SHROOM3: variants seen among roughly 807,000 people sequenced by gnomAD.
SHROOM3 encodes the protein protein Shroom3.
Under a neutral mutation model 138.6 loss-of-function variants are expected in SHROOM3, and 47 were observed. The observed-to-expected ratio is 0.34, with a 90% CI of 0.27 to 0.43. SHROOM3 has a LOEUF of 0.43. SHROOM3 is among the 20% of genes least tolerant of loss of function. The pLI is 1.00. For synonymous variants in SHROOM3, 1,062 were observed against 1,063.3 expected, an observed-to-expected ratio of 1.00 and a Z score of 0.02; for missense variants, 2,491 against 2,596.5, an observed-to-expected ratio of 0.96 and a Z score of 0.88.
At chr4:76,660,514 T>G (rs1233993540) in intron 2 of SHROOM3, among the ~76,000 whole-genome samples, 1 of 152,174 alleles carries the variant, frequency 6.6e-6, no homozygotes, top group East Asian at 1.9e-4. Flanking sequence ...CTTGCTCTGT[T>G]GCCTGGGCTA....
At chr4:76,689,954 G>A (rs1056821321) in intron 2 of SHROOM3, among the ~76,000 whole-genome samples, 1 of 152,206 alleles carries the variant, frequency 6.6e-6, no homozygotes, top group African/African-American at 2.4e-5. Flanking sequence ...AATAATTGTT[G>A]ATTATTGACA....
chr4:76,691,557 G>T (rs1188063699), intron 2 of SHROOM3, among the ~76,000 whole-genome samples: 2 of 152,160 alleles, frequency 1.3e-5, no homozygotes. Context: ...ATTATGGATA[G>T]AAAATCAACA....
intron 2 of SHROOM3, among the ~76,000 whole-genome samples, chr4:76,652,462 G>T (rs10518153): frequency 6.6e-6 from 1 of 151,892 alleles, no homozygotes; most frequent in African/African-American, 2.4e-5. Context: ...ACATTGGGAG[G>T]TTGAATATGC....
intron 1 of SHROOM3, among the ~76,000 whole-genome samples, chr4:76,443,593 C>A (rs13136800): frequency 0.11 from 16,381 of 152,264 alleles, 965 homozygotes; most frequent in South Asian, 0.2. Flanking sequence ...AGGAGTCCAT[C>A]CATCTCTTGT....
chr4:76,526,928 C>G (rs1320886374), intron 1 of SHROOM3, among the ~76,000 whole-genome samples: 2 of 152,200 alleles, frequency 1.3e-5, no homozygotes, highest in Non-Finnish European at 2.9e-5. Flanking sequence ...ATGGATTGTT[C>G]TCACGGAGTC....
At chr4:76,584,447 T>C (rs545276676) in intron 2 of SHROOM3, among the ~76,000 whole-genome samples, 1 of 152,098 alleles carries the variant, frequency 6.6e-6, no homozygotes, top group East Asian at 1.9e-4. Context: ...TCACAGAGAA[T>C]CTGGAGCAGA....
intron 2 of SHROOM3, among the ~76,000 whole-genome samples, chr4:76,702,942 G>A (rs992522486): frequency 6.6e-5 from 10 of 152,146 alleles, no homozygotes; most frequent in African/African-American, 2.2e-4. Flanking sequence ...GAGGTCATTG[G>A]CTAAGATCTG....
At chr4:76,495,887 A>G (rs1387572379) in intron 1 of SHROOM3, among the ~76,000 whole-genome samples, 2 of 152,220 alleles carry the variant, frequency 1.3e-5, no homozygotes, top group Non-Finnish European at 2.9e-5. Flanking sequence ...CATAGATGAC[A>G]CAAGGTTGTA....
intron 4 of SHROOM3, among the ~76,000 whole-genome samples, chr4:76,734,513 C>CTTTT (rs35737209): frequency 2.2e-5 from 3 of 137,686 alleles, no homozygotes; most frequent in African/African-American, 8.1e-5. Flanking sequence ...TTTAAAAATA[C>CTTTT]TTTTTTTTTT....
intron 1 of SHROOM3, among the ~76,000 whole-genome samples, chr4:76,513,693 G>A (rs942441212): frequency 6.6e-6 from 1 of 152,106 alleles, no homozygotes; most frequent in Non-Finnish European, 1.5e-5. Context: ...GGTAATTGCG[G>A]CAGAAAAGCC....
chr4:76,558,403 T>G (rs1733530502), intron 2 of SHROOM3, among the ~76,000 whole-genome samples: 1 of 152,188 alleles, frequency 6.6e-6, no homozygotes, highest in Admixed American at 6.5e-5. Context: ...TATGCAATAT[T>G]TGATTATTAT....
At chr4:76,655,982 T>C (rs1577955230) in intron 2 of SHROOM3, among the ~76,000 whole-genome samples, 1 of 152,272 alleles carries the variant, frequency 6.6e-6, no homozygotes, top group East Asian at 1.9e-4. Context: ...ACAGTCACAG[T>C]TTTGTATTCA....
intron 2 of SHROOM3, among the ~76,000 whole-genome samples, chr4:76,560,094 T>C (rs1733569503): frequency 6.6e-6 from 1 of 152,176 alleles, no homozygotes; most frequent in Non-Finnish European, 1.5e-5. Context: ...CAAAGGATGT[T>C]AATTAGGAAA....
chr4:76,760,063 G>A (rs1007363468), intron 9 of SHROOM3, among the ~76,000 whole-genome samples: 1 of 152,192 alleles, frequency 6.6e-6, no homozygotes, highest in Admixed American at 6.5e-5. Flanking sequence ...CCAACGGTGT[G>A]TGTAATTTTC....
At chr4:76,575,299 A>G (rs1305979504) in intron 2 of SHROOM3, among the ~76,000 whole-genome samples, 1 of 152,244 alleles carries the variant, frequency 6.6e-6, no homozygotes, top group Non-Finnish European at 1.5e-5. Flanking sequence ...CTGAAGCACA[A>G]CAAGGCTACC....
chr4:76,697,791 A>G lies in SHROOM3; in HGVS notation c.324-12365A>G, dbSNP rs911070594. Among the ~76,000 whole-genome samples the G allele has an allele frequency of 5.2e-4, 79 of 152,356 alleles. 1 individual carries two copies. Among genetic ancestry groups the G allele is most frequent in the Non-Finnish European group, 2.2e-4 (15 of 68,036 alleles). On this transcript the variant is annotated intron_variant, in intron 2 of 10. Transcript: ENST00000296043. ...GAGAATGTCATGCTAAACTGAGGAC[A>G]TAGATTTTATCAGTTCTACTTTGTG...
At chr4:76,736,742 G>GTA (rs556028582) in intron 4 of SHROOM3, among the ~76,000 whole-genome samples, 7 of 152,218 alleles carry the variant, frequency 4.6e-5, no homozygotes, top group South Asian at 2.1e-4. Context: ...CCCCGTGTGT[G>GTA]TATATATATA....
intron 2 of SHROOM3, among the ~76,000 whole-genome samples, chr4:76,687,786 G>A (rs1013107): frequency 0.051 from 7,839 of 152,234 alleles, 678 homozygotes; most frequent in African/African-American, 0.17. Flanking sequence ...GTGAGATTTG[G>A]ACCCAAACTG....
intron 1 of SHROOM3, among the ~76,000 whole-genome samples, chr4:76,452,804 G>A (rs949515623): frequency 2.0e-5 from 3 of 152,038 alleles, no homozygotes; most frequent in Non-Finnish European, 4.4e-5. Flanking sequence ...TGCAACCTCC[G>A]CCTCCCAGGT....
Sources: allele counts gnomAD v4.1 joint callset (sites outside exome capture counted in the v4.1 genomes callset), GRCh38; gene constraint gnomAD v4.1.1; transcripts MANE v1.5; gene names NCBI Gene and HGNC (gene_info 2026-07-23, HGNC 2026-07-21).